Variants in PRKAG2 observed in about 807,000 individuals in gnomAD.
PRKAG2 encodes the protein 5'-AMP-activated protein kinase subunit gamma-2.
A neutral mutation model predicts 69.6 loss-of-function variants in PRKAG2; 26 were observed. The ratio of observed to expected loss-of-function variants is 0.37; its 90% confidence interval spans 0.27 to 0.52. PRKAG2 has a LOEUF of 0.52. PRKAG2 is among the 20% of genes least tolerant of loss of function. The pLI is 0.90. For synonymous variants in PRKAG2, 293 were observed against 285.0 expected (o/e 1.03, Z -0.28); for missense variants, 557 against 740.0 (o/e 0.75, Z 2.87).
At chr7:151,841,802 A>G (rs1338384030) in intron 1 of PRKAG2, among the ~76,000 whole-genome samples, 6 of 112,644 alleles carry the variant, frequency 5.3e-5, no homozygotes, top group East Asian at 3.0e-4. Flanking sequence ...AGTAGGTAGT[A>G]ATAGTAGTGA....
At chr7:151,869,650 A>T (rs1226046773) in intron 1 of PRKAG2, among the ~76,000 whole-genome samples, 2 of 152,218 alleles carry the variant, frequency 1.3e-5, no homozygotes, top group East Asian at 3.9e-4. Flanking sequence ...GGAAGTGATC[A>T]CGCATCACTG....
At chr7:151,679,691 C>T (rs1241157172) in intron 3 of PRKAG2, among the ~76,000 whole-genome samples, 1 of 152,126 alleles carries the variant, frequency 6.6e-6, no homozygotes, top group African/African-American at 2.4e-5. Flanking sequence ...AAGGAAGGGG[C>T]CAGCCACAGA....
intron 1 of PRKAG2, among the ~76,000 whole-genome samples, chr7:151,875,955 C>A (rs1056951704): frequency 6.6e-6 from 1 of 152,026 alleles, no homozygotes; most frequent in Non-Finnish European, 1.5e-5. Flanking sequence ...AGGAGACCCC[C>A]GCTCCAGGCC....
rs1181395937 is a variant in PRKAG2 at position 151,841,553 on chromosome 7, GGATGGTAGTGATGGTAGGTAGT to G, written c.114+34932_114+34953del. Among the ~76,000 whole-genome samples the G allele has an allele frequency of 1.3e-3, 187 of 145,630 alleles. 1 individual carries two copies. Among genetic ancestry groups the G allele is most frequent in the African/African-American group, 3.6e-3 (141 of 38,750 alleles). ...TAGGGATGGTAGTGATAGTAGGTAG[GGATGGTAGTGATGGTAGGTAGT>G]GATGGTAGTGATGGTAGGTAGTGAT... On this transcript the variant is annotated intron_variant, in intron 1 of 15. Transcript: ENST00000287878.
chr7:151,726,873 G>C (rs1424021412), intron 3 of PRKAG2, among the ~76,000 whole-genome samples: 5 of 152,050 alleles, frequency 3.3e-5, no homozygotes, highest in African/African-American at 1.2e-4. Context: ...AGCAAACTTT[G>C]CCTTAAACAT....
intron 1 of PRKAG2, among the ~76,000 whole-genome samples, chr7:151,871,781 C>T (rs1056030956): frequency 1.3e-5 from 2 of 152,080 alleles, no homozygotes; most frequent in South Asian, 2.1e-4. Flanking sequence ...CATCAGAGCC[C>T]GAGAGAGGAG....
intron 3 of PRKAG2, among the ~76,000 whole-genome samples, chr7:151,676,874 G>A (rs573173484): frequency 6.6e-6 from 1 of 152,320 alleles, no homozygotes; most frequent in South Asian, 2.1e-4. Context: ...ATACCCAGAG[G>A]GAAGGCCTCG....
chr7:151,715,678 C>T (rs142215814), intron 3 of PRKAG2, among the ~76,000 whole-genome samples: 2,248 of 152,116 alleles, frequency 0.015, 62 homozygotes, highest in African/African-American at 0.052. Flanking sequence ...TTTAAAAATT[C>T]CAATTTGAGT....
chr7:151,849,231 C>T (rs1000510820), intron 1 of PRKAG2, among the ~76,000 whole-genome samples: 46 of 152,362 alleles, frequency 3.0e-4, no homozygotes, highest in African/African-American at 1.1e-3. Context: ...AAGGGGCCTC[C>T]GATGCACCGT....
intron 3 of PRKAG2, among the ~76,000 whole-genome samples, chr7:151,729,518 C>G (rs895122948): frequency 6.6e-6 from 1 of 152,100 alleles, no homozygotes; most frequent in Admixed American, 6.5e-5. Flanking sequence ...TCAGCCCCAG[C>G]TCTGTCCGCA....
intron 3 of PRKAG2, among the ~76,000 whole-genome samples, chr7:151,718,771 A>AC (rs1340027984): frequency 4.6e-5 from 7 of 151,770 alleles, no homozygotes; most frequent in African/African-American, 1.7e-4. Flanking sequence ...GACTGGAGGG[A>AC]CCCCTTCCAT....
At chr7:151,625,744 G>T (rs549290537) in intron 5 of PRKAG2, among the ~76,000 whole-genome samples, 30 of 152,196 alleles carry the variant, frequency 2.0e-4, no homozygotes, top group Non-Finnish European at 3.2e-4. Context: ...ATGGAATCAG[G>T]CTGGTTAAAA....
chr7:151,797,897 T>C (rs2077640804), intron 1 of PRKAG2, among the ~76,000 whole-genome samples: 1 of 152,214 alleles, frequency 6.6e-6, no homozygotes, highest in Admixed American at 6.5e-5. Flanking sequence ...ATTTAGTGGA[T>C]TGCACAACCA....
rs368420398 is a variant in PRKAG2, at chr7:151,777,772, A to C, written c.466+3380T>G. ...TTTATAGTTTAATTTGAAAGCAAGG[A>C]TGATAATAGTACCTCCCTGAAACCA... On this transcript the variant is annotated intron_variant, in intron 3 of 15. Coordinates refer to ENST00000287878, the MANE Select transcript of PRKAG2 (RefSeq NM_016203.4). The surrounding 1 kb of genome is among the most constrained non-coding windows in gnomAD (Gnocchi z 4.3). Among the ~76,000 whole-genome samples the C allele has an allele frequency of 5.1e-4, 77 of 152,310 alleles. 2 individuals carry two copies. In the South Asian group the frequency reaches 0.013, roughly 26 times the overall value.
At chr7:151,864,220 C>G (rs745565174) in intron 1 of PRKAG2, among the ~76,000 whole-genome samples, 24 of 152,226 alleles carry the variant, frequency 1.6e-4, no homozygotes, top group Admixed American at 7.9e-4. Context: ...ATGCTGGCTC[C>G]CAGAAGCCCT....
intron 4 of PRKAG2, among the ~76,000 whole-genome samples, chr7:151,659,415 T>C (rs1449391885): frequency 1.3e-5 from 2 of 152,232 alleles, no homozygotes; most frequent in African/African-American, 4.8e-5. Flanking sequence ...GACGATGCAC[T>C]GAGTCTACTG....
At chr7:151,822,663 G>A (rs901359180) in intron 1 of PRKAG2, among the ~76,000 whole-genome samples, 8 of 152,186 alleles carry the variant, frequency 5.3e-5, no homozygotes, top group Admixed American at 2.6e-4. Flanking sequence ...AGATGGTGCT[G>A]CTTCCAGTGG....
intron 4 of PRKAG2, among the ~76,000 whole-genome samples, chr7:151,647,222 ACCTTG>A (rs1827721447): frequency 6.6e-6 from 1 of 152,160 alleles, no homozygotes; most frequent in South Asian, 2.1e-4. Flanking sequence ...GCTGTATCTC[ACCTTG>A]CCTGGGGCCT....
chr7:151,620,336 T>C (rs1821171765), intron 5 of PRKAG2, among the ~76,000 whole-genome samples: 1 of 152,098 alleles, frequency 6.6e-6, no homozygotes, highest in Non-Finnish European at 1.5e-5. Flanking sequence ...TCTTTCTCTC[T>C]CTCATTCTTT....
Sources: allele counts gnomAD v4.1 joint callset (sites outside exome capture counted in the v4.1 genomes callset), GRCh38; gene constraint gnomAD v4.1.1; non-coding constraint Gnocchi (gnomAD v3.1); transcripts MANE v1.5; gene names NCBI Gene and HGNC (gene_info 2026-07-23, HGNC 2026-07-21).